The following DNAI4 variants were observed in gnomAD, a reference collection of about 807,000 sequenced individuals.
DNAI4 encodes the protein dynein axonemal intermediate chain 4.
In DNAI4, 85 loss-of-function variants were observed where a neutral mutation model predicts 105.8. The ratio of observed to expected loss-of-function variants is 0.80; its 90% CI spans 0.67 to 0.96. The LOEUF (loss-of-function observed/expected upper bound fraction) is 0.96, where lower values mean the gene tolerates loss of function less well. Ranked by LOEUF, DNAI4 falls within the 40% of genes least tolerant of loss-of-function variation. DNAI4 has a pLI of 0.00. For synonymous variants in DNAI4, 352 were observed against 331.5 expected, an observed-to-expected ratio of 1.06 and a Z score of -0.67; for missense variants, 1,014 against 1,005.6, an observed-to-expected ratio of 1.01 and a Z score of -0.11.
At chr1:66,885,047 T>C (rs928503143) in intron 4 of DNAI4, among the ~76,000 whole-genome samples, 2 of 152,242 alleles carry the variant, frequency 1.3e-5, no homozygotes, top group African/African-American at 4.8e-5. Context: ...TCATTTTCAT[T>C]GAGTTCAAAT....
At chr1:66,864,461 C>T (rs1646689631) in intron 6 of DNAI4, among the ~76,000 whole-genome samples, 1 of 151,990 alleles carries the variant, frequency 6.6e-6, no homozygotes, top group African/African-American at 2.4e-5. Context: ...CAAAGAAACG[C>T]AGGTGTCAAC....
chr1:66,881,420 T>C (rs986064043), intron 4 of DNAI4, among the ~76,000 whole-genome samples: 10 of 148,584 alleles, frequency 6.7e-5, no homozygotes, highest in Non-Finnish European at 1.3e-4. Flanking sequence ...TCCAAGACCA[T>C]GGGAACCCAC....
intron 8 of DNAI4, among the ~76,000 whole-genome samples, chr1:66,841,292 G>A (rs970411827): frequency 6.6e-6 from 1 of 152,176 alleles, no homozygotes; most frequent in Non-Finnish European, 1.5e-5. Flanking sequence ...AGACAGTGAA[G>A]GTATATTGCT....
At chr1:66,852,272 G>A (rs1646412842) in intron 7 of DNAI4, among the ~76,000 whole-genome samples, 1 of 151,712 alleles carries the variant, frequency 6.6e-6, no homozygotes, top group South Asian at 2.1e-4. Flanking sequence ...ACCAAGCATG[G>A]ATGGTTTCAC....
chr1:66,893,007 G>A (rs12738510), intron 3 of DNAI4, among the ~76,000 whole-genome samples: 8,407 of 104,362 alleles, frequency 0.081, 604 homozygotes, highest in Middle Eastern at 0.16. Context: ...GAGAGAAAGA[G>A]AGAGAGGAAA....
At chr1:66,839,312 C>G (rs992132829) in intron 9 of DNAI4, among the ~76,000 whole-genome samples, 3 of 152,118 alleles carry the variant, frequency 2.0e-5, no homozygotes, top group Non-Finnish European at 4.4e-5. Context: ...ATCCACAAGA[C>G]AGTCCCAAAT....
At chr1:66,835,193 C>CAGACAGACAGAT (rs148107373) in intron 11 of DNAI4, among the ~76,000 whole-genome samples, 7 of 136,102 alleles carry the variant, frequency 5.1e-5, no homozygotes, top group East Asian at 2.1e-4. Context: ...CCTCCTTAGA[C>CAGACAGACAGAT]AGATAGATAG....
chr1:66,818,731 C>A (rs1572579127), intron 16 of DNAI4, among the ~76,000 whole-genome samples: 1 of 151,916 alleles, frequency 6.6e-6, no homozygotes, highest in Non-Finnish European at 1.5e-5. Flanking sequence ...CCAGCCATGG[C>A]GAAACCCTGT....
intron 16 of DNAI4, among the ~76,000 whole-genome samples, chr1:66,820,980 A>C (rs1346774202): frequency 6.6e-6 from 1 of 151,424 alleles, no homozygotes; most frequent in Admixed American, 6.6e-5. Flanking sequence ...TTATCATCTC[A>C]TGAGTAATGC....
rs181152138 is a variant in DNAI4, at chr1:66,823,127, C to A, written c.2340-610G>T. 5.9e-5 allele frequency among the ~76,000 whole-genome samples: 8 copies of A among 135,472 alleles called. No individual in the cohort carries two copies. The East Asian group carries it at 1.7e-3, about 30-fold the overall frequency. The allele number at this position is 135,472 out of a possible 152,430, so 88.9% of individuals were successfully genotyped here. On this transcript the variant is annotated intron_variant, in intron 15 of 16. Transcript: ENST00000371026. ...CCCGTGTCCATGTGTTCTCATTGTT[C>A]AGTTCCCACCTACGAGTGACAATAT...
intron 1 of DNAI4, among the ~76,000 whole-genome samples, chr1:66,921,709 T>C (rs984056020): frequency 2.0e-5 from 3 of 152,146 alleles, no homozygotes; most frequent in Non-Finnish European, 4.4e-5. Flanking sequence ...ACAAAAACCA[T>C]ACAAGATAAG....
At chr1:66,819,902 T>G (rs1427039092) in intron 16 of DNAI4, among the ~76,000 whole-genome samples, 1 of 151,838 alleles carries the variant, frequency 6.6e-6, no homozygotes. Context: ...CATAGAGACT[T>G]TTTTTTTAAA....
chr1:66,814,295 T>C (rs1645467788), intron 16 of DNAI4, 115 bp from the exon 17 acceptor site: 3 of 716,260 alleles, frequency 4.2e-6, no homozygotes, highest in East Asian at 5.5e-5. Context: ...TCCAATAAGA[T>C]TGTAAAAGGG....
At position 66,877,634 on chromosome 1, in the gene DNAI4, T is replaced by C. The variant is rs60572021; in HGVS notation, c.644-2697A>G. On this transcript the variant is annotated intron_variant, in intron 4 of 16. Coordinates refer to ENST00000371026, the MANE Select transcript of DNAI4 (RefSeq NM_024763.5). ...CTATTTTATCATCATATAAAGTCCA[T>C]ATTTTATTCTAATTTCCTTAAATTT... Among the ~76,000 whole-genome samples the C allele has an allele frequency of 7.4e-3, 1,125 of 152,282 alleles. 11 individuals carry two copies. Among genetic ancestry groups the C allele is most frequent in the African/African-American group, 0.026 (1,079 of 41,568 alleles).
chr1:66,873,726 G>T (rs958952637), intron 5 of DNAI4, among the ~76,000 whole-genome samples: 7 of 152,120 alleles, frequency 4.6e-5, no homozygotes, highest in Non-Finnish European at 1.0e-4. Flanking sequence ...TCAGTGTAAG[G>T]GTTGGGAGAA....
intron 8 of DNAI4, among the ~76,000 whole-genome samples, chr1:66,845,190 C>CAAAAAAAAAAAAAAAAAAAAGAAAAAA (rs59265844): frequency 1.9e-5 from 2 of 106,316 alleles, no homozygotes; most frequent in African/African-American, 4.0e-5. Flanking sequence ...AACTCCATCT[C>CAAAAAAAAAAAAAAAAAAAAGAAAAAA]AAAAAAAAAA....
At chr1:66,844,713 G>T (rs1295525499) in intron 8 of DNAI4, among the ~76,000 whole-genome samples, 1 of 151,908 alleles carries the variant, frequency 6.6e-6, no homozygotes, top group Non-Finnish European at 1.5e-5. Context: ...CTCATGGAAA[G>T]AATTAATTAC....
At chr1:66,823,695 C>T (rs1645685002) in intron 15 of DNAI4, among the ~76,000 whole-genome samples, 1 of 146,468 alleles carries the variant, frequency 6.8e-6, no homozygotes, top group Non-Finnish European at 1.5e-5. Flanking sequence ...TTTTTGGCTG[C>T]ATAAATGTCT....
chr1:66,837,531 A>G (rs1223251206), intron 10 of DNAI4, 179 bp downstream of exon 10: 3 of 710,062 alleles, frequency 4.2e-6, no homozygotes, highest in Non-Finnish European at 6.7e-6. Flanking sequence ...TAATAAATGA[A>G]TTATCTTTAC....
Sources: gnomAD v4.1 joint callset for allele counts (sites outside exome capture counted in the v4.1 genomes callset) on GRCh38, gnomAD v4.1.1 for gene constraint, MANE v1.5 for transcripts, NCBI Gene and HGNC (gene_info 2026-07-23, HGNC 2026-07-21) for gene names.